The following TSPAN7 variants were observed in gnomAD, a reference collection of about 807,000 sequenced individuals.
The protein encoded by TSPAN7 is tetraspanin 7, also known as tetraspanin-7.
Under a neutral mutation model 17.6 loss-of-function variants are expected in TSPAN7, and 1 was observed. The observed-to-expected ratio is 0.06, with a 90% CI of 0.02 to 0.27. The LOEUF (loss-of-function observed/expected upper bound fraction) is 0.27. Ranked by LOEUF, TSPAN7 falls within the 10% of genes least tolerant of loss-of-function variation. TSPAN7 has a pLI of 1.00. For synonymous variants in TSPAN7, 78 were observed against 79.0 expected (o/e 0.99, Z 0.07); for missense variants, 112 against 201.7 (o/e 0.56, Z 2.69).
chrX:38,573,914 T>G (rs2069181330), intron 1 of TSPAN7, among the ~76,000 whole-genome samples: 1 of 111,839 alleles, frequency 8.9e-6, no homozygotes, highest in Admixed American at 9.5e-5. Flanking sequence ...ACCAACATTA[T>G]TTATCACTGT....
chrX:38,661,792 C>A (rs145989096), intron 1 of TSPAN7, among the ~76,000 whole-genome samples: 1,538 of 110,059 alleles, frequency 0.014, 16 homozygotes, highest in Non-Finnish European at 0.021. Flanking sequence ...TTGGTGAACT[C>A]CGAACTTACT....
At chrX:38,580,581 G>A (rs1051151688) in intron 1 of TSPAN7, among the ~76,000 whole-genome samples, 6 of 111,939 alleles carry the variant, frequency 5.4e-5, no homozygotes, top group African/African-American at 1.6e-4. Flanking sequence ...ACCACTGCAT[G>A]CAGTTAACTG....
intron 1 of TSPAN7, among the ~76,000 whole-genome samples, chrX:38,660,544 G>A (rs1291368999): frequency 8.9e-6 from 1 of 112,220 alleles, no homozygotes; most frequent in African/African-American, 3.2e-5. Flanking sequence ...GATGATGTGT[G>A]TGGAGTTTCA....
At position 38,677,270 on chromosome X, in the gene TSPAN7, T is replaced by C. The variant is rs1212900009; in HGVS notation, c.597+1410T>C. The stretch of plus-strand genomic sequence containing the variant: ...GCGGATAATAATAGTACATGTTCCT[T>C]GTGCTTGATTTGAAGATTTAATGAG... On this transcript the variant is annotated intron_variant, in intron 5 of 7. Coordinates refer to ENST00000378482, the MANE Select transcript of TSPAN7 (RefSeq NM_004615.4). Among the ~76,000 whole-genome samples the C allele has an allele frequency of 3.6e-5, 4 of 112,162 alleles. No individual in the cohort carries two copies. The East Asian group carries it at 1.1e-3, about 31-fold the overall frequency.
intron 6 of TSPAN7, among the ~76,000 whole-genome samples, chrX:38,685,604 A>G (rs1369638557): frequency 2.7e-5 from 3 of 112,131 alleles, no homozygotes; most frequent in Non-Finnish European, 5.6e-5. Flanking sequence ...TGGATATTCA[A>G]TATAGTCATC....
chrX:38,590,520 G>A (rs2069285242), intron 1 of TSPAN7, among the ~76,000 whole-genome samples: 1 of 111,585 alleles, frequency 9.0e-6, no homozygotes, highest in Non-Finnish European at 1.9e-5. Flanking sequence ...ATGTTTCAGA[G>A]ATTTCACCAG....
Position 38,561,618 on chromosome X carries a change from C to T in TSPAN7, c.72C>T (p.Phe24=). 8.3e-7 allele frequency: 1 copy of T among 1,206,168 alleles called. No homozygotes were observed. The highest frequency in any genetic ancestry group is 1.8e-5 in the South Asian group (1 of 56,844). ...CLKTLLIIYS[F]VFWITGVILL... is the part of the protein sequence containing the mutation. ...AAACCCTCCTCATCATCTACTCCTT[C>T]GTCTTCTGGGTAAGTGCCCACGCCG... is the stretch of plus-strand genomic sequence containing the variant. The change falls in exon 1 of 8, where the codon TTC becomes TTT. Residue 24 remains phenylalanine, a synonymous_variant. Coordinates refer to ENST00000378482, the MANE Select transcript of TSPAN7 (RefSeq NM_004615.4).
At chrX:38,588,876 A>G (rs2069273873) in intron 1 of TSPAN7, among the ~76,000 whole-genome samples, 1 of 111,627 alleles carries the variant, frequency 9.0e-6, no homozygotes, top group South Asian at 3.7e-4. Context: ...GAAAGAAATG[A>G]CTAATAAAAT....
intron 1 of TSPAN7, chrX:38,566,234 G>A (rs1197082274): frequency 1.1e-5 from 6 of 547,791 alleles, no homozygotes; most frequent in Non-Finnish European, 1.2e-5. Flanking sequence ...GAATGGATGG[G>A]ATGATTTGTC....
chrX:38,647,407 G>A (rs935323585), intron 1 of TSPAN7, among the ~76,000 whole-genome samples: 5 of 111,907 alleles, frequency 4.5e-5, no homozygotes, highest in African/African-American at 9.8e-5. Flanking sequence ...ATAAGCCACC[G>A]TGCCCAGCCT....
In TSPAN7 at chrX:38,571,388, C is replaced by T. The variant is rs181002385; in HGVS notation, c.81+9761C>T. On this transcript the variant is annotated intron_variant, in intron 1 of 7. Transcript: ENST00000378482. Reference sequence around the variant, plus strand: ...CAGAATTGATATGCTAAAATATGCTCCCAGGTGATTCAGCTGTGCAATTAG... The same window carrying T: ...CAGAATTGATATGCTAAAATATGCTTCCAGGTGATTCAGCTGTGCAATTAG... Among the ~76,000 whole-genome samples, 10 of 111,550 alleles carry T rather than the reference C, an allele frequency of 9.0e-5. No homozygotes were observed. The East Asian group carries it at 2.8e-3, about 31-fold the overall frequency.
intron 1 of TSPAN7, among the ~76,000 whole-genome samples, chrX:38,603,043 T>C (rs1227563214): frequency 8.9e-6 from 1 of 112,187 alleles, no homozygotes; most frequent in Non-Finnish European, 1.9e-5. Context: ...AAGGGGCTTG[T>C]ATCAACAATA....
At chrX:38,683,964 C>G (rs950843177) in intron 6 of TSPAN7, among the ~76,000 whole-genome samples, 1 of 112,962 alleles carries the variant, frequency 8.9e-6, no homozygotes, top group Admixed American at 9.3e-5. Context: ...GAAGGCTCTA[C>G]TAAGTTAGAG....
chrX:38,680,844 T>C (rs1256867325), intron 5 of TSPAN7, among the ~76,000 whole-genome samples: 1 of 111,750 alleles, frequency 8.9e-6, no homozygotes, highest in Non-Finnish European at 1.9e-5. Flanking sequence ...GTTTGCTTCA[T>C]AGATCTTACA....
chrX:38,595,934 G>A lies in TSPAN7; in HGVS notation c.81+34307G>A, dbSNP rs2069316710. On this transcript the variant is annotated intron_variant, in intron 1 of 7. Coordinates refer to ENST00000378482, the MANE Select transcript of TSPAN7 (RefSeq NM_004615.4). ...CTACAAATCTTTGTGGGAGACTAACGTTCCTCTGAATTATATCTTAAAAAT... is the reference window on the plus strand; with the variant it reads ...CTACAAATCTTTGTGGGAGACTAACATTCCTCTGAATTATATCTTAAAAAT... 2.7e-5 allele frequency among the ~76,000 whole-genome samples: 3 copies of A among 111,243 alleles called. No individual in the cohort carries two copies. The South Asian group carries it at 1.1e-3, about 42-fold the overall frequency.
At chrX:38,562,828 C>T (rs1312081094) in intron 1 of TSPAN7, 1 of 332,445 alleles carries the variant, frequency 3.0e-6, no homozygotes, top group Non-Finnish European at 4.6e-6. Flanking sequence ...TCCCCCAAAT[C>T]TGGGTCATTT....
chrX:38,617,664 T>C (rs1196457475), intron 1 of TSPAN7, among the ~76,000 whole-genome samples: 1 of 112,193 alleles, frequency 8.9e-6, no homozygotes, highest in Non-Finnish European at 1.9e-5. Flanking sequence ...TCCCAAAGCA[T>C]TGGTCAGGCA....
chrX:38,648,005 G>A (rs2069654266), intron 1 of TSPAN7, among the ~76,000 whole-genome samples: 1 of 111,692 alleles, frequency 9.0e-6, no homozygotes, highest in Non-Finnish European at 1.9e-5. Flanking sequence ...AAGGACATTG[G>A]GTTTTTGCTT....
At chrX:38,604,948 A>G (rs1307118934) in intron 1 of TSPAN7, among the ~76,000 whole-genome samples, 1 of 111,424 alleles carries the variant, frequency 9.0e-6, no homozygotes, top group Non-Finnish European at 1.9e-5. Flanking sequence ...CCCGCAGCCA[A>G]TATCATACTG....
Sources: gnomAD v4.1 joint callset for allele counts (sites outside exome capture counted in the v4.1 genomes callset) on GRCh38, gnomAD v4.1.1 for gene constraint, MANE v1.5 for transcripts, NCBI Gene and HGNC (gene_info 2026-07-23, HGNC 2026-07-21) for gene names.